The following CNTNAP2 variants were observed in gnomAD, a reference collection of about 807,000 sequenced individuals.
The protein encoded by CNTNAP2 is contactin associated protein 2, also known as contactin-associated protein-like 2.
CNTNAP2 carries 98 observed loss-of-function variants against 155.2 expected under a neutral mutation model. The observed-to-expected ratio is 0.63, with a 90% CI of 0.54 to 0.75. The LOEUF is 0.75. Among genes scored for constraint, CNTNAP2 ranks in the 30% least tolerant of loss-of-function variants. The pLI, the probability that CNTNAP2 is intolerant of heterozygous loss-of-function variation, is 0.00. For missense variants in CNTNAP2, 1,727 were observed against 1,688.1 expected (o/e 1.02, Z -0.40); for synonymous variants, 651 against 631.2 (o/e 1.03, Z -0.47).
intron 1 of CNTNAP2, among the ~76,000 whole-genome samples, chr7:146,161,771 G>C (rs1317484622): frequency 2.0e-5 from 3 of 152,212 alleles, no homozygotes; most frequent in Non-Finnish European, 2.9e-5. Flanking sequence ...ATACTGCAAG[G>C]CTACAGTAAC....
chr7:148,361,915 G>A (rs192295977), intron 21 of CNTNAP2, among the ~76,000 whole-genome samples: 4 of 152,034 alleles, frequency 2.6e-5, no homozygotes, highest in Admixed American at 1.3e-4. Flanking sequence ...CAGATCGGCC[G>A]GGCACGGTGG....
At chr7:147,008,775 GC>G (rs1798571125) in intron 3 of CNTNAP2, among the ~76,000 whole-genome samples, 1 of 152,056 alleles carries the variant, frequency 6.6e-6, no homozygotes, top group African/African-American at 2.4e-5. Context: ...GGTAGATAAA[GC>G]CTAGTTCGTA....
chr7:147,033,190 A>ATATATATATATATG (rs1799076589), intron 3 of CNTNAP2, among the ~76,000 whole-genome samples: 49 of 92,478 alleles, frequency 5.3e-4, no homozygotes, highest in Non-Finnish European at 1.0e-3. Context: ...ATATATATAT[A>ATATATATATATATG]TATATATATA....
chr7:146,626,994 A>T (rs1027219537), intron 1 of CNTNAP2, among the ~76,000 whole-genome samples: 3 of 152,164 alleles, frequency 2.0e-5, no homozygotes, highest in African/African-American at 7.2e-5. Flanking sequence ...TTTCTGATAA[A>T]GACATACCCA....
intron 8 of CNTNAP2, among the ~76,000 whole-genome samples, chr7:147,195,996 T>A (rs1286839158): frequency 6.6e-6 from 1 of 151,952 alleles, no homozygotes. Context: ...TAAAATGAGG[T>A]CATATGAATA....
At chr7:147,501,163 C>T (rs1334369081) in intron 11 of CNTNAP2, among the ~76,000 whole-genome samples, 1 of 151,752 alleles carries the variant, frequency 6.6e-6, no homozygotes, top group Non-Finnish European at 1.5e-5. Flanking sequence ...ACAGAAGAAG[C>T]ATTTGACAAA....
intron 15 of CNTNAP2, among the ~76,000 whole-genome samples, chr7:148,088,784 G>A (rs1803785609): frequency 6.6e-6 from 1 of 151,838 alleles, no homozygotes; most frequent in South Asian, 2.1e-4. Context: ...AAATGAAGAT[G>A]AAGAAACATT....
chr7:146,977,179 G>T (rs1797929259), intron 3 of CNTNAP2, among the ~76,000 whole-genome samples: 1 of 152,094 alleles, frequency 6.6e-6, no homozygotes, highest in African/African-American at 2.4e-5. Context: ...GGCTACTATT[G>T]TTTATGACTC....
In CNTNAP2 at chr7:146,837,439, G is replaced by T. The variant is rs565210620; in HGVS notation, c.209-2272G>T. Among the ~76,000 whole-genome samples the T allele has an allele frequency of 2.6e-5, 4 of 151,908 alleles. No individual in the cohort carries two copies. The South Asian group carries it at 6.2e-4, about 24-fold the overall frequency. On this transcript the variant is annotated intron_variant, in intron 2 of 23. Coordinates refer to ENST00000361727, the MANE Select transcript of CNTNAP2 (RefSeq NM_014141.6). ...TGTTGCTTTTCTCCTTCAACATTTT[G>T]CATTTTTAAAAAATGTTTATATGTT...
At chr7:147,833,498 G>A (rs1021622039) in intron 13 of CNTNAP2, among the ~76,000 whole-genome samples, 6 of 152,136 alleles carry the variant, frequency 3.9e-5, no homozygotes, top group African/African-American at 1.4e-4. Context: ...TGAAAGTGAC[G>A]GAAAGGAGTC....
chr7:148,026,156 T>C (rs2116924585), intron 15 of CNTNAP2, among the ~76,000 whole-genome samples: 1 of 152,198 alleles, frequency 6.6e-6, no homozygotes, highest in East Asian at 1.9e-4. Context: ...AAGTGTACTT[T>C]AAAAAATACT....
At chr7:147,026,009 G>T (rs977209761) in intron 3 of CNTNAP2, among the ~76,000 whole-genome samples, 3 of 152,020 alleles carry the variant, frequency 2.0e-5, no homozygotes, top group African/African-American at 7.2e-5. Flanking sequence ...ACAGGTGTGT[G>T]CTACCACGCC....
intron 13 of CNTNAP2, among the ~76,000 whole-genome samples, chr7:147,744,753 G>GT (rs1329354943): frequency 6.6e-6 from 1 of 152,038 alleles, no homozygotes; most frequent in East Asian, 1.9e-4. Context: ...TTTCCTCTGT[G>GT]CACACCTGCT....
In CNTNAP2 at chr7:146,559,269, A is replaced by G. The variant is rs1276396123; in HGVS notation, c.98-215002A>G. Reference sequence around the variant, plus strand: ...CCCCATAAATGTATATAATTTATCAATTAAAATAATATTAATTTGGCCAGG... The same window carrying G: ...CCCCATAAATGTATATAATTTATCAGTTAAAATAATATTAATTTGGCCAGG... On this transcript the variant is annotated intron_variant, in intron 1 of 23. Transcript: ENST00000361727. Among the ~76,000 whole-genome samples the G allele has an allele frequency of 2.6e-5, 4 of 152,140 alleles. No homozygotes were observed. The East Asian group carries it at 5.8e-4, about 22-fold the overall frequency.
intron 8 of CNTNAP2, among the ~76,000 whole-genome samples, chr7:147,290,904 C>A (rs1805291710): frequency 6.6e-6 from 1 of 152,172 alleles, no homozygotes; most frequent in Non-Finnish European, 1.5e-5. Flanking sequence ...AGCAAGTAGG[C>A]AAATTCACAA....
At chr7:146,177,973 G>T (rs1917936) in intron 1 of CNTNAP2, among the ~76,000 whole-genome samples, 46,196 of 152,076 alleles carry the variant, frequency 0.3, 8,192 homozygotes, top group African/African-American at 0.49. Context: ...GAGAATGCCT[G>T]TAGGTTGCTT....
intron 12 of CNTNAP2, among the ~76,000 whole-genome samples, chr7:147,568,970 C>T (rs1459555397): frequency 2.6e-5 from 4 of 151,950 alleles, no homozygotes; most frequent in Non-Finnish European, 5.9e-5. Context: ...TCATTTTTTT[C>T]TTAATTTAAG....
intron 1 of CNTNAP2, among the ~76,000 whole-genome samples, chr7:146,290,099 T>C (rs2129086450): frequency 6.6e-6 from 1 of 152,274 alleles, no homozygotes; most frequent in South Asian, 2.1e-4. Context: ...CTAGGTTACA[T>C]GTATGTATGA....
Position 146,591,788 on chromosome 7 carries a change from T to C in CNTNAP2, c.98-182483T>C, listed in dbSNP as rs933493221. ...TCTGACAGCATCACCTATCATAAAA[T>C]GCTCTGGATCTATAATTCCAGTCCT... On this transcript the variant is annotated intron_variant, in intron 1 of 23. Transcript: ENST00000361727. Among the ~76,000 whole-genome samples the C allele has an allele frequency of 6.6e-5, 10 of 152,232 alleles. No individual in the cohort carries two copies. In the East Asian group the frequency reaches 1.7e-3, roughly 26 times the overall value.
Sources: gnomAD v4.1 joint callset for allele counts (sites outside exome capture counted in the v4.1 genomes callset) on GRCh38, gnomAD v4.1.1 for gene constraint, MANE v1.5 for transcripts, NCBI Gene and HGNC (gene_info 2026-07-23, HGNC 2026-07-21) for gene names.